The following ZNF823 variants were observed in gnomAD, a reference collection of about 807,000 sequenced individuals.
ZNF823 encodes the protein ZFP 36 for a zinc finger protein.
Under a neutral mutation model 11.4 loss-of-function variants are expected in ZNF823, and 5 were observed. That is an observed-to-expected ratio of 0.44 (90% CI 0.23 to 0.92). ZNF823 has a LOEUF of 0.92. Among genes scored for constraint, ZNF823 ranks in the 40% least tolerant of loss-of-function variants. ZNF823 has a pLI of 0.24. For synonymous variants in ZNF823, 234 were observed against 250.5 expected, an observed-to-expected ratio of 0.93 and a Z score of 0.62; for missense variants, 582 against 738.5, an observed-to-expected ratio of 0.79 and a Z score of 2.46.
At position 11,733,966 on chromosome 19, in the gene ZNF823, G is replaced by A. The variant is rs926432373; in HGVS notation, c.3+4851C>T. Among the ~76,000 whole-genome samples, 7 of 152,146 alleles carry A rather than the reference G, an allele frequency of 4.6e-5. No homozygotes were observed. The South Asian group carries it at 1.5e-3, about 32-fold the overall frequency. On this transcript the variant is annotated intron_variant, in intron 1 of 3. Transcript: ENST00000341191. ...TAAATCACCTTAGGCCAGGTGAGGCGGCTCACATCTGTAATCTCAGTACTT... is the reference window on the plus strand; with the variant it reads ...TAAATCACCTTAGGCCAGGTGAGGCAGCTCACATCTGTAATCTCAGTACTT...
At chr19:11,724,391 T>C (rs754711949) in intron 2 of ZNF823, 137 bp from the exon 3 acceptor site, 27 of 713,384 alleles carry the variant, frequency 3.8e-5, no homozygotes, top group Non-Finnish European at 5.5e-5. Context: ...AGGTTTGAAC[T>C]GCACAGCTCC....
intron 1 of ZNF823, among the ~76,000 whole-genome samples, chr19:11,727,337 C>T (rs1241365167): frequency 2.6e-5 from 4 of 151,752 alleles, no homozygotes; most frequent in Admixed American, 2.0e-4. Context: ...GGTGAAACCC[C>T]GTCTCTACTA....
chr19:11,729,579 CAT>C (rs1974856348), intron 1 of ZNF823, among the ~76,000 whole-genome samples: 1 of 152,160 alleles, frequency 6.6e-6, no homozygotes, highest in Admixed American at 6.5e-5. Context: ...CTAAATAATA[CAT>C]AGTTTCTGTT....
At chr19:11,734,460 C>T (rs571276119) in intron 1 of ZNF823, among the ~76,000 whole-genome samples, 2 of 152,156 alleles carry the variant, frequency 1.3e-5, no homozygotes, top group Non-Finnish European at 2.9e-5. Context: ...AACCAGGCTG[C>T]ACAAAATTAA....
Position 11,735,296 on chromosome 19 carries a change from A to G in ZNF823, c.3+3521T>C, listed in dbSNP as rs576183026. Among the ~76,000 whole-genome samples the G allele has an allele frequency of 1.7e-4, 26 of 151,920 alleles. No homozygotes were observed. The South Asian group carries it at 5.4e-3, about 32-fold the overall frequency. ...TTTCAAAAAACAAAAAAAAAAAAAA[A>G]AAAAGAAAAGCAATTTTCTGCCTAA... On this transcript the variant is annotated intron_variant, in intron 1 of 3. Coordinates refer to ENST00000341191, the MANE Select transcript of ZNF823 (RefSeq NM_001080493.4).
intron 1 of ZNF823, among the ~76,000 whole-genome samples, chr19:11,733,432 G>T (rs1974939384): frequency 6.6e-6 from 1 of 151,524 alleles, no homozygotes; most frequent in Non-Finnish European, 1.5e-5. Flanking sequence ...TGGGCATGGT[G>T]ACTCACGCTT....
At chr19:11,726,269 A>C (rs899928664) in intron 1 of ZNF823, among the ~76,000 whole-genome samples, 6 of 101,226 alleles carry the variant, frequency 5.9e-5, no homozygotes, top group Non-Finnish European at 1.1e-4. Flanking sequence ...AAAAGTAAAA[A>C]ACAAAAAATA....
At chr19:11,728,489 G>A (rs1974836149) in intron 1 of ZNF823, among the ~76,000 whole-genome samples, 1 of 152,130 alleles carries the variant, frequency 6.6e-6, no homozygotes, top group Non-Finnish European at 1.5e-5. Flanking sequence ...TTCCGATAGG[G>A]CAAATGAATA....
intron 1 of ZNF823, among the ~76,000 whole-genome samples, chr19:11,730,226 C>A (rs1422191912): frequency 6.6e-6 from 1 of 152,088 alleles, no homozygotes; most frequent in East Asian, 1.9e-4. Context: ...CCGTGCCTGG[C>A]CGTTTTCTTA....
intron 3 of ZNF823, among the ~76,000 whole-genome samples, chr19:11,723,807 AGT>A (rs1974740818): frequency 6.6e-6 from 1 of 152,212 alleles, no homozygotes; most frequent in African/African-American, 2.4e-5. Flanking sequence ...GGCCTCCTAA[AGT>A]GCTGGGATTA....
chr19:11,728,002 A>G (rs1974824890), intron 1 of ZNF823, among the ~76,000 whole-genome samples: 1 of 151,238 alleles, frequency 6.6e-6, no homozygotes, highest in African/African-American at 2.4e-5. Context: ...TCAGCCTCCC[A>G]AGTAGTTGGG....
At chr19:11,736,933 AG>A (rs1362497070) in intron 1 of ZNF823, among the ~76,000 whole-genome samples, 2 of 152,198 alleles carry the variant, frequency 1.3e-5, no homozygotes, top group Admixed American at 1.3e-4. Context: ...GAATGTCTTA[AG>A]GGCTTTGCTT....
At chr19:11,727,424 C>T (rs774648684) in intron 1 of ZNF823, among the ~76,000 whole-genome samples, 22 of 152,072 alleles carry the variant, frequency 1.4e-4, no homozygotes, top group Non-Finnish European at 2.6e-4. Flanking sequence ...GCAGGAGAAT[C>T]GCTTGAACCT....
chr19:11,732,722 C>T (rs564178163), intron 1 of ZNF823, among the ~76,000 whole-genome samples: 3 of 152,222 alleles, frequency 2.0e-5, no homozygotes, highest in Admixed American at 6.5e-5. Flanking sequence ...CGGGAGCCAC[C>T]GCGCCCGGCA....
Position 11,722,301 on chromosome 19 carries a change from A to G in ZNF823, c.1233T>C (p.Thr411=), listed in dbSNP as rs1237787522. ...SLFQRHERTH[T]GEKPYQCKQC... ...GTTTACATTGATAGGGTTTCTCTCC[A>G]GTGTGAGTCCTTTCATGTCTTTGAA... Residue 411 remains threonine, a synonymous_variant, in exon 4 of 4, where the codon ACT becomes ACC. Coordinates refer to ENST00000341191, the MANE Select transcript of ZNF823 (RefSeq NM_001080493.4). This position sits in a 1 kb window ranked among gnomAD's most constrained non-coding sequence, Gnocchi z 5.2. 2 of 1,613,992 alleles carry G rather than the reference A, an allele frequency of 1.2e-6. No individual in the cohort carries two copies. The highest frequency in any genetic ancestry group is 1.7e-6 in the Non-Finnish European group (2 of 1,179,986).
At chr19:11,725,671 C>G (rs1428641136) in intron 1 of ZNF823, among the ~76,000 whole-genome samples, 1 of 152,132 alleles carries the variant, frequency 6.6e-6, no homozygotes, top group Non-Finnish European at 1.5e-5. Context: ...AGAAGAGTTA[C>G]CACTCCCAGT....
At position 11,723,015 on chromosome 19, in the gene ZNF823, A is replaced by G; in HGVS notation, c.519T>C (p.Phe173=). The change falls in exon 4 of 4, where the codon TTT becomes TTC. Residue 173 remains phenylalanine (F), a synonymous_variant. Coordinates refer to ENST00000341191, the MANE Select transcript of ZNF823 (RefSeq NM_001080493.4). The stretch of plus-strand genomic sequence containing the variant: ...GTCTTCGGAGGTTTCCAAGAGAACT[A>G]AAGGTTTTTGCACATTCTTTACAAT... The part of the protein sequence containing the change: ...PFDCKECAKT[F]SSLGNLRRHM... The G allele has an allele frequency of 3.1e-6, 5 of 1,614,204 alleles. No individual in the cohort carries two copies. Among genetic ancestry groups the G allele is most frequent in the Non-Finnish European group, 4.2e-6 (5 of 1,180,046 alleles).
chr19:11,725,132 T>C (rs1974767426), intron 2 of ZNF823, 69 bp downstream of exon 2: 4 of 1,564,092 alleles, frequency 2.6e-6, no homozygotes, highest in Non-Finnish European at 3.5e-6. Context: ...TTTCAAATCA[T>C]GAACAGCGTT....
intron 1 of ZNF823, among the ~76,000 whole-genome samples, chr19:11,735,661 G>C (rs995271813): frequency 2.6e-5 from 4 of 152,026 alleles, no homozygotes; most frequent in African/African-American, 9.7e-5. Context: ...ATTGACCTTA[G>C]CTCAGAGTCA....
Sources: allele counts gnomAD v4.1 joint callset (sites outside exome capture counted in the v4.1 genomes callset), GRCh38; gene constraint gnomAD v4.1.1; non-coding constraint Gnocchi (gnomAD v3.1); transcripts MANE v1.5; gene names NCBI Gene and HGNC (gene_info 2026-07-23, HGNC 2026-07-21).